LPP: variants seen among roughly 807,000 people sequenced by gnomAD.
LPP encodes the protein LIM domain containing preferred translocation partner in lipoma, also known as lipoma-preferred partner.
A neutral mutation model predicts 60.4 loss-of-function variants in LPP; 38 were observed. That is an observed-to-expected ratio of 0.63 (90% CI 0.49 to 0.83). The LOEUF is 0.83. Ranked by LOEUF, LPP falls within the 40% of genes least tolerant of loss-of-function variation. The pLI is 0.00. For missense variants in LPP, 902 were observed against 783.6 expected (o/e 1.15, Z -1.80); for synonymous variants, 328 against 290.8 (o/e 1.13, Z -1.30).
In LPP at chr3:188,354,434, C is replaced by T. The variant is rs143243708; in HGVS notation, c.-10+12715C>T. On this transcript the variant is annotated intron_variant, in intron 3 of 11. Coordinates refer to ENST00000617246, the MANE Select transcript of LPP (RefSeq NM_001375462.1). ...TGGGCCTATTTCTGTACTTTGTGTG[C>T]GTGTCTCTGTGTGGTGGCTTTATGG... Among the ~76,000 whole-genome samples, 137 of 152,044 alleles carry T rather than the reference C, an allele frequency of 9.0e-4. 1 individual carries two copies. The East Asian group carries it at 0.013, about 14-fold the overall frequency.
intron 3 of LPP, among the ~76,000 whole-genome samples, chr3:188,375,386 C>G (rs1051606829): frequency 2.0e-5 from 3 of 152,140 alleles, no homozygotes; most frequent in Non-Finnish European, 2.9e-5. Context: ...AATTTCAGAG[C>G]CTGTTATTGG....
At chr3:188,800,045 A>G (rs1196571650) in intron 9 of LPP, among the ~76,000 whole-genome samples, 4 of 152,184 alleles carry the variant, frequency 2.6e-5, no homozygotes, top group African/African-American at 7.2e-5. Context: ...CTAAGAATGT[A>G]TGCTTGATAT....
chr3:188,684,941 G>A (rs76365347), intron 7 of LPP, among the ~76,000 whole-genome samples: 297 of 152,338 alleles, frequency 1.9e-3, no homozygotes, highest in Non-Finnish European at 3.6e-3. Flanking sequence ...TGGCTAGTCA[G>A]TAATTGGTGC....
At chr3:188,777,409 C>T (rs1222203725) in intron 9 of LPP, among the ~76,000 whole-genome samples, 2 of 151,788 alleles carry the variant, frequency 1.3e-5, no homozygotes, top group Non-Finnish European at 2.9e-5. Context: ...TTGTAGTGGG[C>T]ATTGGGGGTA....
intron 4 of LPP, among the ~76,000 whole-genome samples, chr3:188,468,591 C>T (rs942063249): frequency 6.6e-6 from 1 of 151,980 alleles, no homozygotes; most frequent in Non-Finnish European, 1.5e-5. Flanking sequence ...GCCAGTAAGA[C>T]CTGAAGAAGG....
chr3:188,677,581 C>T (rs1485184139), intron 7 of LPP, among the ~76,000 whole-genome samples: 1 of 152,116 alleles, frequency 6.6e-6, no homozygotes, highest in African/African-American at 2.4e-5. Flanking sequence ...ATTAAATCTT[C>T]CTGTGGCTGT....
chr3:188,808,656 T>C (rs1577691957), intron 9 of LPP, among the ~76,000 whole-genome samples: 1 of 152,124 alleles, frequency 6.6e-6, no homozygotes, highest in African/African-American at 2.4e-5. Flanking sequence ...ATCAGTACTC[T>C]TTTTTGCTTT....
At chr3:188,741,317 G>A (rs188204513) in intron 8 of LPP, among the ~76,000 whole-genome samples, 18 of 151,872 alleles carry the variant, frequency 1.2e-4, no homozygotes, top group African/African-American at 3.6e-4. Context: ...CTGGTACTCC[G>A]CTATCTTGGT....
chr3:188,549,060 T>C (rs1827382001), intron 6 of LPP, among the ~76,000 whole-genome samples: 1 of 152,212 alleles, frequency 6.6e-6, no homozygotes. Context: ...TTTGAGATGA[T>C]GAATGTGCTA....
chr3:188,252,719 A>G (rs1730304308), intron 2 of LPP, among the ~76,000 whole-genome samples: 1 of 152,054 alleles, frequency 6.6e-6, no homozygotes, highest in African/African-American at 2.4e-5. Flanking sequence ...ATATGTATTC[A>G]TTTTGTGAGT....
At chr3:188,553,022 C>T (rs945875131) in intron 6 of LPP, among the ~76,000 whole-genome samples, 8 of 152,078 alleles carry the variant, frequency 5.3e-5, no homozygotes, top group Admixed American at 2.6e-4. Flanking sequence ...AAGTGTGTTT[C>T]GTGCTAATGT....
Position 188,671,627 on chromosome 3 carries a change from A to G in LPP, c.1114-36640A>G, listed in dbSNP as rs1196726460. On this transcript the variant is annotated intron_variant, in intron 7 of 11. Transcript: ENST00000617246. ...TTTGCCCAGAAAGTCATGAATTCTGATAATCAAGGGGCAGTTGCCTATGTT... is the reference window on the plus strand; with the variant it reads ...TTTGCCCAGAAAGTCATGAATTCTGGTAATCAAGGGGCAGTTGCCTATGTT... 8.5e-5 allele frequency among the ~76,000 whole-genome samples: 13 copies of G among 152,300 alleles called. No individual in the cohort carries two copies. In the South Asian group the frequency reaches 2.5e-3, roughly 29 times the overall value.
Position 188,453,118 on chromosome 3 carries a change from C to T in LPP, c.194-31474C>T, listed in dbSNP as rs148779909. Among the ~76,000 whole-genome samples the T allele has an allele frequency of 1.8e-3, 278 of 152,184 alleles. 2 individuals carry two copies. Among genetic ancestry groups the T allele is most frequent in the Middle Eastern group, 0.01 (3 of 294 alleles). Reference sequence around the variant, plus strand: ...GAATGTTTATGATACTTCCTGGTCACGTCATTTCTCTTTGACTCTTTCTTT... The same window carrying T: ...GAATGTTTATGATACTTCCTGGTCATGTCATTTCTCTTTGACTCTTTCTTT... On this transcript the variant is annotated intron_variant, in intron 4 of 11. Transcript: ENST00000617246.
intron 2 of LPP, among the ~76,000 whole-genome samples, chr3:188,254,953 A>C (rs57566775): frequency 0.017 from 2,570 of 152,256 alleles, 67 homozygotes; most frequent in African/African-American, 0.056. Context: ...AATACAGATA[A>C]ATTCTACACC....
chr3:188,459,436 A>G (rs1424836077), intron 4 of LPP, among the ~76,000 whole-genome samples: 1 of 152,180 alleles, frequency 6.6e-6, no homozygotes, highest in African/African-American at 2.4e-5. Context: ...AGAGCAGCTG[A>G]GTTCTTGGTA....
chr3:188,373,530 C>T (rs1451756896), intron 3 of LPP, among the ~76,000 whole-genome samples: 1 of 152,094 alleles, frequency 6.6e-6, no homozygotes, highest in South Asian at 2.1e-4. Context: ...TGTTCATGTC[C>T]TTCTCCCACT....
At chr3:188,381,224 A>T (rs968267286) in intron 3 of LPP, among the ~76,000 whole-genome samples, 1 of 152,210 alleles carries the variant, frequency 6.6e-6, no homozygotes, top group African/African-American at 2.4e-5. Context: ...GCTTTAACAC[A>T]TAATTTCTAA....
At chr3:188,491,244 CTG>C (rs913640267) in intron 5 of LPP, among the ~76,000 whole-genome samples, 1 of 152,186 alleles carries the variant, frequency 6.6e-6, no homozygotes, top group Non-Finnish European at 1.5e-5. Context: ...TCATAAAAGT[CTG>C]TCTTTCTGCT....
intron 10 of LPP, among the ~76,000 whole-genome samples, chr3:188,866,922 AG>A (rs917626027): frequency 6.6e-6 from 1 of 152,202 alleles, no homozygotes; most frequent in Admixed American, 6.5e-5. Context: ...ATTCAAAGGC[AG>A]TTTCATGCCA....
Sources: allele counts gnomAD v4.1 joint callset (sites outside exome capture counted in the v4.1 genomes callset), GRCh38; gene constraint gnomAD v4.1.1; transcripts MANE v1.5; gene names NCBI Gene and HGNC (gene_info 2026-07-23, HGNC 2026-07-21).